Variants in NCKAP5 observed in about 807,000 individuals in gnomAD.
NCKAP5 encodes nck-associated protein 5.
A neutral mutation model predicts 167.0 loss-of-function variants in NCKAP5; 92 were observed. That is an observed-to-expected ratio of 0.55 (90% CI 0.47 to 0.66). NCKAP5 has a LOEUF of 0.66. Ranked by LOEUF, NCKAP5 falls within the 30% of genes least tolerant of loss-of-function variation. The probability of loss-of-function intolerance (pLI) is 0.00; values close to 1 mark genes in which losing one functional copy is unlikely to be tolerated. For missense variants in NCKAP5, 2,378 were observed against 2,315.0 expected (o/e 1.03, Z -0.56); for synonymous variants, 891 against 877.4 (o/e 1.02, Z -0.27).
intron 6 of NCKAP5, among the ~76,000 whole-genome samples, chr2:133,113,523 G>T (rs1210067201): frequency 6.6e-6 from 1 of 152,196 alleles, no homozygotes; most frequent in Non-Finnish European, 1.5e-5. Flanking sequence ...GCTTCAGGGG[G>T]CTTCACTCCG....
At chr2:133,464,706 GAATA>G (rs1453939337) in intron 3 of NCKAP5, among the ~76,000 whole-genome samples, 1 of 152,076 alleles carries the variant, frequency 6.6e-6, no homozygotes, top group Admixed American at 6.6e-5. Flanking sequence ...ATAAACAAAT[GAATA>G]AATAAATGTG....
intron 3 of NCKAP5, among the ~76,000 whole-genome samples, chr2:133,394,453 G>A (rs1043650234): frequency 1.2e-4 from 19 of 152,318 alleles, no homozygotes; most frequent in African/African-American, 4.3e-4. Context: ...AGAGGCAGGT[G>A]TGGGGTTGGA....
intron 5 of NCKAP5, among the ~76,000 whole-genome samples, chr2:133,203,783 T>C (rs1383290253): frequency 6.6e-6 from 1 of 152,140 alleles, no homozygotes; most frequent in African/African-American, 2.4e-5. Context: ...TATTTTTCCT[T>C]GAAAGAATAC....
chr2:133,414,230 C>G (rs1420094135), intron 3 of NCKAP5, among the ~76,000 whole-genome samples: 3 of 152,042 alleles, frequency 2.0e-5, no homozygotes. Context: ...TCCAATATAC[C>G]AAAATTGGAA....
At chr2:132,913,302 T>C (rs1225765835) in intron 8 of NCKAP5, among the ~76,000 whole-genome samples, 1 of 152,102 alleles carries the variant, frequency 6.6e-6, no homozygotes, top group Non-Finnish European at 1.5e-5. Context: ...AACACAGATC[T>C]GACTATCTTT....
Position 132,994,142 on chromosome 2 carries a change from C to A in NCKAP5, c.429+10G>T, listed in dbSNP as rs750803048. ...CCAGTACCCAGCCAAGAATAATAAA[C>A]ATGGTGTACCTGATAGACCATTATA... On this transcript the variant is annotated intron_variant, in intron 7 of 19. Transcript: ENST00000409261. The A allele has an allele frequency of 4.6e-6, 7 of 1,537,802 alleles. No homozygotes were observed. The South Asian group carries it at 8.5e-5, about 19-fold the overall frequency.
chr2:133,570,704 C>T (rs558523422), upstream of NCKAP5, among the ~76,000 whole-genome samples: 91 of 152,300 alleles, frequency 6.0e-4, no homozygotes, highest in Non-Finnish European at 1.0e-3. Flanking sequence ...TGAGCCGCTT[C>T]GGTTCATTTT....
intron 3 of NCKAP5, among the ~76,000 whole-genome samples, chr2:133,334,951 A>C (rs990586869): frequency 2.6e-5 from 4 of 152,216 alleles, no homozygotes; most frequent in African/African-American, 4.8e-5. Flanking sequence ...TAGAAAGCCA[A>C]ACTCAGGTCC....
chr2:132,997,441 C>T (rs4954019), intron 6 of NCKAP5, among the ~76,000 whole-genome samples: 108,751 of 152,066 alleles, frequency 0.72, 39,135 homozygotes, highest in Middle Eastern at 0.83. Flanking sequence ...ATAACTCAAT[C>T]TAATAGTACT....
At chr2:133,303,444 A>G (rs931007532) in intron 3 of NCKAP5, among the ~76,000 whole-genome samples, 3 of 152,216 alleles carry the variant, frequency 2.0e-5, no homozygotes, top group African/African-American at 7.2e-5. Flanking sequence ...CAATTATAGA[A>G]AAAGAAAATA....
intron 6 of NCKAP5, among the ~76,000 whole-genome samples, chr2:133,007,297 T>C (rs2078002047): frequency 6.6e-6 from 1 of 152,248 alleles, no homozygotes; most frequent in Admixed American, 6.5e-5. Flanking sequence ...GTTTTTATTA[T>C]GGTTTTAAAG....
rs2078621998 is a variant in NCKAP5, at chr2:133,024,204, A to G, written c.342-29965T>C. 2.0e-5 allele frequency among the ~76,000 whole-genome samples: 3 copies of G among 152,218 alleles called. No individual in the cohort carries two copies. In the South Asian group the frequency reaches 6.2e-4, roughly 31 times the overall value. On this transcript the variant is annotated intron_variant, in intron 6 of 19. Transcript: ENST00000409261. ...CAAAGAAAATTCAAAGGATACTCAA[A>G]ACTATCTCACAAAAAAGAAGTTAAT... is the stretch of plus-strand genomic sequence containing the variant.
intron 19 of NCKAP5, among the ~76,000 whole-genome samples, chr2:132,675,973 G>A (rs572711674): frequency 6.6e-6 from 1 of 152,204 alleles, no homozygotes; most frequent in East Asian, 1.9e-4. Flanking sequence ...TGACCATATG[G>A]ACCAACTAGC....
intron 5 of NCKAP5, among the ~76,000 whole-genome samples, chr2:133,166,897 C>T (rs562248012): frequency 3.2e-4 from 48 of 152,198 alleles, no homozygotes; most frequent in African/African-American, 1.1e-3. Context: ...ACAGATCTCC[C>T]GTCTGAGCTG....
At chr2:132,974,219 T>C (rs2076913080) in intron 7 of NCKAP5, among the ~76,000 whole-genome samples, 1 of 152,212 alleles carries the variant, frequency 6.6e-6, no homozygotes, top group Admixed American at 6.5e-5. Context: ...TAGTCATTTG[T>C]AGAAGTTAAA....
intron 8 of NCKAP5, among the ~76,000 whole-genome samples, chr2:132,949,091 GC>G (rs2076103217): frequency 7.7e-6 from 1 of 129,772 alleles, no homozygotes; most frequent in Non-Finnish European, 1.6e-5. Flanking sequence ...CCCCCACCCT[GC>G]CCCATCCAGG....
chr2:133,124,383 G>C (rs1216621182), intron 6 of NCKAP5, among the ~76,000 whole-genome samples: 1 of 152,184 alleles, frequency 6.6e-6, no homozygotes, highest in Admixed American at 6.5e-5. Context: ...AAAATGGTTT[G>C]CTAAGAATGT....
At chr2:133,455,078 C>T (rs1179976934) in intron 3 of NCKAP5, among the ~76,000 whole-genome samples, 1 of 152,020 alleles carries the variant, frequency 6.6e-6, no homozygotes, top group Non-Finnish European at 1.5e-5. Flanking sequence ...CGATTTTCTA[C>T]CTTTTGTAGC....
At chr2:132,779,549 AAAGAAGG>A (rs1362443985) in intron 15 of NCKAP5, among the ~76,000 whole-genome samples, 1 of 152,024 alleles carries the variant, frequency 6.6e-6, no homozygotes, top group African/African-American at 2.4e-5. Context: ...CTGTGTTTTC[AAAGAAGG>A]GATGATACCA....
Sources: gnomAD v4.1 joint callset for allele counts (sites outside exome capture counted in the v4.1 genomes callset) on GRCh38, gnomAD v4.1.1 for gene constraint, MANE v1.5 for transcripts, NCBI Gene and HGNC (gene_info 2026-07-23, HGNC 2026-07-21) for gene names.